The following GRIA1 variants were observed in gnomAD, a reference collection of about 807,000 sequenced individuals.
GRIA1 encodes glutamate ionotropic receptor AMPA type subunit 1.
A neutral mutation model predicts 99.2 loss-of-function variants in GRIA1; 31 were observed. That is an observed-to-expected ratio of 0.31 (90% CI 0.23 to 0.42). The LOEUF (loss-of-function observed/expected upper bound fraction) is 0.42, where lower values mean the gene tolerates loss of function less well. GRIA1 is among the 10% of genes least tolerant of loss of function. The pLI is 1.00. For missense variants in GRIA1, 782 were observed against 1,157.5 expected (o/e 0.68, Z 4.71); for synonymous variants, 438 against 432.4 (o/e 1.01, Z -0.16).
At chr5:153,572,704 G>A (rs1431796754) in intron 2 of GRIA1, among the ~76,000 whole-genome samples, 1 of 152,194 alleles carries the variant, frequency 6.6e-6, no homozygotes, top group Non-Finnish European at 1.5e-5. Context: ...CAGATCCAAA[G>A]AAGGAGGATG....
At chr5:153,672,802 C>T (rs1271268268) in intron 5 of GRIA1, among the ~76,000 whole-genome samples, 2 of 152,140 alleles carry the variant, frequency 1.3e-5, no homozygotes, top group Non-Finnish European at 2.9e-5. Flanking sequence ...TGCTCATTTT[C>T]CCATTTCATT....
At chr5:153,746,167 G>A (rs946368812) in intron 11 of GRIA1, among the ~76,000 whole-genome samples, 1 of 141,052 alleles carries the variant, frequency 7.1e-6, no homozygotes, top group African/African-American at 2.7e-5. Flanking sequence ...GCCTCGGAAA[G>A]AGCTGAGTGT....
chr5:153,642,474 C>T (rs1317250094), intron 2 of GRIA1, among the ~76,000 whole-genome samples: 1 of 152,016 alleles, frequency 6.6e-6, no homozygotes, highest in Non-Finnish European at 1.5e-5. Context: ...CACCTGTAAT[C>T]CCAGCACTTT....
Position 153,578,087 on chromosome 5 carries a change from GTTGCAGTGAGCCAAGATCACACCA to G in GRIA1, c.221-68836_221-68813del, listed in dbSNP as rs550975566. Among the ~76,000 whole-genome samples, 465 of 142,178 alleles carry G rather than the reference GTTGCAGTGAGCCAAGATCACACCA, an allele frequency of 3.3e-3. 1 individual carries two copies. Among genetic ancestry groups the G allele is most frequent in the South Asian group, 0.021 (90 of 4,328 alleles). 93.3% of individuals were successfully genotyped at this position (142,178 alleles called of 152,430 possible). ...AATCGCTTGAACCTAGGAGGCAGAG[GTTGCAGTGAGCCAAGATCACACCA>G]TTGCGCCCCAGCCTGAGCAGCAGAG... On this transcript the variant is annotated intron_variant, in intron 2 of 15. Transcript: ENST00000285900.
intron 11 of GRIA1, among the ~76,000 whole-genome samples, chr5:153,753,643 G>A (rs960873715): frequency 3.3e-5 from 5 of 151,400 alleles, no homozygotes; most frequent in Non-Finnish European, 5.9e-5. Flanking sequence ...CTGTAAATAA[G>A]GTTGAAGTAA....
intron 10 of GRIA1, among the ~76,000 whole-genome samples, chr5:153,701,614 C>A (rs1422036902): frequency 1.4e-4 from 3 of 20,932 alleles, no homozygotes; most frequent in Admixed American, 5.8e-4. Context: ...AAGCGAGACC[C>A]GTCTCAAAAA....
At chr5:153,647,202 G>A (rs1190416082) in intron 3 of GRIA1, 35 bp downstream of exon 3, 1 of 1,601,380 alleles carries the variant, frequency 6.2e-7, no homozygotes, top group African/African-American at 1.3e-5. Flanking sequence ...GACTTTTGAG[G>A]GATGGAGAGA....
intron 2 of GRIA1, among the ~76,000 whole-genome samples, chr5:153,510,530 T>C (rs766824230): frequency 2.0e-5 from 3 of 151,920 alleles, no homozygotes; most frequent in Non-Finnish European, 2.9e-5. Context: ...AAAGAGTGCA[T>C]GAAAGAGGTG....
chr5:153,583,820 T>C (rs1763244823), intron 2 of GRIA1, among the ~76,000 whole-genome samples: 1 of 152,118 alleles, frequency 6.6e-6, no homozygotes, highest in Non-Finnish European at 1.5e-5. Context: ...TGAGAGAAAC[T>C]GAGGGCTGGG....
chr5:153,614,626 A>G (rs1766307564), intron 2 of GRIA1, among the ~76,000 whole-genome samples: 1 of 152,212 alleles, frequency 6.6e-6, no homozygotes, highest in African/African-American at 2.4e-5. Flanking sequence ...CCTGTTAAGC[A>G]CTTCATTAAT....
intron 11 of GRIA1, among the ~76,000 whole-genome samples, chr5:153,752,629 G>A (rs1762574509): frequency 6.6e-6 from 1 of 152,098 alleles, no homozygotes; most frequent in Non-Finnish European, 1.5e-5. Flanking sequence ...CCCATGGAAG[G>A]GAGAGACCAT....
At chr5:153,700,206 G>A (rs1201111396) in intron 10 of GRIA1, among the ~76,000 whole-genome samples, 1 of 152,076 alleles carries the variant, frequency 6.6e-6, no homozygotes, top group Non-Finnish European at 1.5e-5. Flanking sequence ...CCAACATGGT[G>A]AAACCCCATC....
chr5:153,673,365 A>G (rs1225370580), intron 5 of GRIA1, among the ~76,000 whole-genome samples: 1 of 152,210 alleles, frequency 6.6e-6, no homozygotes, highest in Non-Finnish European at 1.5e-5. Context: ...GCTACCGCAG[A>G]GTATACTATC....
At chr5:153,595,110 C>G (rs1764313998) in intron 2 of GRIA1, among the ~76,000 whole-genome samples, 1 of 152,048 alleles carries the variant, frequency 6.6e-6, no homozygotes, top group Admixed American at 6.6e-5. Context: ...TTAAGTTTCT[C>G]TTTGATCTGT....
chr5:153,503,710 G>A (rs1018139879), intron 2 of GRIA1, among the ~76,000 whole-genome samples: 6 of 152,152 alleles, frequency 3.9e-5, no homozygotes, highest in African/African-American at 1.4e-4. Flanking sequence ...CGAAATATGT[G>A]GATCATAAGA....
At chr5:153,714,295 G>A (rs553036615) in intron 11 of GRIA1, among the ~76,000 whole-genome samples, 6 of 152,202 alleles carry the variant, frequency 3.9e-5, no homozygotes, top group African/African-American at 1.4e-4. Context: ...GAATAAAACA[G>A]CCACCGTATG....
chr5:153,775,713 C>G (rs1247105809), intron 13 of GRIA1, among the ~76,000 whole-genome samples: 1 of 150,278 alleles, frequency 6.7e-6, no homozygotes, highest in African/African-American at 2.5e-5. Flanking sequence ...TATGTAGATA[C>G]CTATTATCCT....
intron 2 of GRIA1, among the ~76,000 whole-genome samples, chr5:153,511,377 A>G (rs1756058711): frequency 6.6e-6 from 1 of 152,178 alleles, no homozygotes. Flanking sequence ...TGTATAGGAA[A>G]TGTTGAATAA....
At chr5:153,683,827 T>G (rs1757156754) in intron 7 of GRIA1, among the ~76,000 whole-genome samples, 1 of 152,222 alleles carries the variant, frequency 6.6e-6, no homozygotes, top group Non-Finnish European at 1.5e-5. Context: ...CCAGACAATG[T>G]GCTAAGTACT....
Sources: allele counts gnomAD v4.1 joint callset (sites outside exome capture counted in the v4.1 genomes callset), GRCh38; gene constraint gnomAD v4.1.1; transcripts MANE v1.5; gene names NCBI Gene and HGNC (gene_info 2026-07-23, HGNC 2026-07-21).